KCNT1: variants seen among roughly 807,000 people sequenced by gnomAD.
KCNT1 encodes potassium channel subfamily T member 1.
A neutral mutation model predicts 147.8 loss-of-function variants in KCNT1; 78 were observed. The ratio of observed to expected loss-of-function variants is 0.53; its 90% confidence interval spans 0.44 to 0.64. KCNT1 has a LOEUF of 0.64. Ranked by LOEUF, KCNT1 falls within the 30% of genes least tolerant of loss-of-function variation. KCNT1 has a pLI of 0.00. For missense variants in KCNT1, 1,419 were observed against 1,750.3 expected, an observed-to-expected ratio of 0.81 and a Z score of 3.38; for synonymous variants, 867 against 748.8, an observed-to-expected ratio of 1.16 and a Z score of -2.58.
At chr9:135,757,808 C>T (rs1392311111) in intron 9 of KCNT1, among the ~76,000 whole-genome samples, 16 of 152,236 alleles carry the variant, frequency 1.1e-4, no homozygotes, top group Admixed American at 1.0e-3. Flanking sequence ...AGTGTCTCAA[C>T]ATGGTCCCTG....
intron 29 of KCNT1, among the ~76,000 whole-genome samples, chr9:135,788,459 T>C (rs1177216087): frequency 6.6e-6 from 1 of 152,256 alleles, no homozygotes; most frequent in South Asian, 2.1e-4. Flanking sequence ...CTGGTGCTGC[T>C]TCTCCTGCTT....
intron 11 of KCNT1, among the ~76,000 whole-genome samples, chr9:135,764,399 G>A (rs1344545946): frequency 6.6e-6 from 1 of 152,234 alleles, no homozygotes; most frequent in East Asian, 1.9e-4. Context: ...AGTCAAGGCT[G>A]CAGTGAGCTG....
intron 10 of KCNT1, 80 bp from the exon 11 acceptor site, chr9:135,759,599 G>A (rs1042086562): frequency 1.3e-5 from 19 of 1,461,840 alleles, no homozygotes; most frequent in East Asian, 7.0e-5. Flanking sequence ...TGAGGGTCCC[G>A]TGGGCAGGCA....
At position 135,742,692 on chromosome 9, in the gene KCNT1, C is replaced by T. The variant is rs998007970; in HGVS notation, c.255-7406C>T. On this transcript the variant is annotated intron_variant, in intron 2 of 30. Transcript: ENST00000371757. ...CTGTCTGTCTACTGCCTTCTCCATC[C>T]GTCCGTCTATCTGTCTGCTGCCTTC... 15 of 714,904 alleles carry T rather than the reference C, an allele frequency of 2.1e-5. No homozygotes were observed. The East Asian group carries it at 3.2e-4, about 15-fold the overall frequency. The allele number at this position is 714,904 out of a possible 1,614,324, so 44.3% of individuals were successfully genotyped here. A position where few individuals can be genotyped will look rare whatever the true frequency, so the allele number is the denominator to read the frequency against.
rs1289631078 is a variant in KCNT1, at chr9:135,784,906, G to T, written c.3156+17G>T. ...ACCTCGGAGGTTCTGGGGCAGCCTG[G>T]GGGCTGGGACTGTGGCAGCCCCTGT... On this transcript the variant is annotated intron_variant, in intron 27 of 30. Coordinates refer to ENST00000371757, the MANE Select transcript of KCNT1 (RefSeq NM_020822.3). The T allele has an allele frequency of 6.2e-7, 1 of 1,610,526 alleles. No homozygotes were observed. The highest frequency in any genetic ancestry group is 1.3e-5 in the African/African-American group (1 of 74,898).
intron 6 of KCNT1, 79 bp downstream of exon 6, chr9:135,755,248 A>G: frequency 3.9e-6 from 5 of 1,280,196 alleles, no homozygotes; most frequent in Non-Finnish European, 5.4e-6. Flanking sequence ...CTCAGTAAGT[A>G]GGGAACCCAG....
chr9:135,772,856 C>A lies in KCNT1; in HGVS notation c.2150C>A (p.Ala717Asp). The change falls in exon 19 of 31, where the codon GCC (alanine) becomes GAC (aspartate). Residue 717 changes from alanine (A) to aspartate (D), a missense_variant. Around this residue, in one of 5 missense-constraint regions of KCNT1, gnomAD observed 284 missense variants for 292.8 expected, o/e 0.97. Transcript: ENST00000371757. ...AGCATCGCGCCCGTCCTGGAACTGGCCGACAGCTCAGCCCTGCTGCCCTGC... is the reference window on the plus strand; with the variant it reads ...AGCATCGCGCCCGTCCTGGAACTGGACGACAGCTCAGCCCTGCTGCCCTGC... ...RPSIAPVLEL[A>D]DSSALLPCDL... 1 of 1,547,836 alleles carries A rather than the reference C, an allele frequency of 6.5e-7. No individual in the cohort carries two copies. The highest frequency in any genetic ancestry group is 8.7e-7 in the Non-Finnish European group (1 of 1,146,456).
At chr9:135,763,509 T>A (rs1832053061) in intron 11 of KCNT1, among the ~76,000 whole-genome samples, 1 of 151,912 alleles carries the variant, frequency 6.6e-6, no homozygotes, top group South Asian at 2.1e-4. Flanking sequence ...GAGGACAGAA[T>A]CGGAAGTGGA....
intron 20 of KCNT1, 22 bp from the exon 21 acceptor site, chr9:135,777,316 T>C: frequency 1.9e-6 from 3 of 1,605,922 alleles, no homozygotes; most frequent in Non-Finnish European, 2.6e-6. Flanking sequence ...ACTCCAGCCC[T>C]GACTCCAGCA....
rs1227798115 is a variant in KCNT1 at position 135,774,259 on chromosome 9, TGTGGTGTCTGTTGTGTGTGTG to T, written c.2244-1047_2244-1027del. The stretch of plus-strand genomic sequence containing the variant: ...GTGGTGTGTGTCCGTGTGTGGTGTG[TGTGGTGTCTGTTGTGTGTGTG>T]GTGTGTTGTGTGTGGTGTGTGTGTC... On this transcript the variant is annotated intron_variant, in intron 19 of 30. Coordinates refer to ENST00000371757, the MANE Select transcript of KCNT1 (RefSeq NM_020822.3). Among the ~76,000 whole-genome samples the T allele has an allele frequency of 5.6e-4, 81 of 145,920 alleles. 1 individual carries two copies. The South Asian group carries it at 0.01, about 19-fold the overall frequency.
chr9:135,702,194 C>A lies in KCNT1; in HGVS notation c.-65C>A. The A allele has an allele frequency of 8.2e-7, 1 of 1,215,964 alleles. No homozygotes were observed. The highest frequency in any genetic ancestry group is 1.2e-6 in the Non-Finnish European group (1 of 838,400). 75.3% of individuals were successfully genotyped at this position (1,215,964 alleles called of 1,614,324 possible). On this transcript the variant is annotated 5_prime_UTR_variant, in exon 1 of 31. Coordinates refer to ENST00000371757, the MANE Select transcript of KCNT1 (RefSeq NM_020822.3). ...AAAAAAAATGTTTTTCAGGGCAACG[C>A]GAGGGAAGAAGGTGGCGGCTCCCAC...
At chr9:135,788,736 C>A (rs896397589) in intron 29 of KCNT1, among the ~76,000 whole-genome samples, 1 of 152,184 alleles carries the variant, frequency 6.6e-6, no homozygotes, top group African/African-American at 2.4e-5. Flanking sequence ...CCAGCTGGGG[C>A]TCCACGAGGG....
intron 2 of KCNT1, among the ~76,000 whole-genome samples, chr9:135,735,465 G>A (rs1395569430): frequency 2.6e-5 from 4 of 152,194 alleles, no homozygotes; most frequent in South Asian, 2.1e-4. Flanking sequence ...CCCCATCCGC[G>A]TTGGCCACCC....
At chr9:135,770,150 A>AGAG in intron 16 of KCNT1, 95 bp downstream of exon 16, 1 of 1,384,844 alleles carries the variant, frequency 7.2e-7, no homozygotes, top group Non-Finnish European at 9.8e-7. Flanking sequence ...TGGGCTTCCC[A>AGAG]GAGGAGGGGC....
rs1057523539 is a variant in KCNT1, at chr9:135,753,919, C to G, written c.435-18C>G. ...GCTAGAGGGGCCAGGGCCGGGCCAG[C>G]GCTGTGTCTCTCCACAGCTGGGGCT... is the stretch of plus-strand genomic sequence containing the variant. On this transcript the variant is annotated intron_variant, in intron 4 of 30. Coordinates refer to ENST00000371757, the MANE Select transcript of KCNT1 (RefSeq NM_020822.3). 1 of 1,613,756 alleles carries G rather than the reference C, an allele frequency of 6.2e-7. No individual in the cohort carries two copies.
intron 3 of KCNT1, among the ~76,000 whole-genome samples, chr9:135,750,731 A>T (rs1831107762): frequency 6.6e-6 from 1 of 152,106 alleles, no homozygotes; most frequent in Admixed American, 6.5e-5. Flanking sequence ...GGCACCTGTA[A>T]GGTGGGGCCA....
At position 135,752,036 on chromosome 9, in the gene KCNT1, T is replaced by G. The variant is rs1466381716; in HGVS notation, c.434+995T>G. ...TCCCGAGCTCACATTGGGCCCTGAC[T>G]TTTTCATACCCGTAGATTTCCTCAA... On this transcript the variant is annotated intron_variant, in intron 4 of 30. Coordinates refer to ENST00000371757, the MANE Select transcript of KCNT1 (RefSeq NM_020822.3). This position sits in a 1 kb window ranked among gnomAD's most constrained non-coding sequence, Gnocchi z 5.1. 4.6e-6 allele frequency: 1 copy of G among 215,600 alleles called. No individual in the cohort carries two copies. The highest frequency in any genetic ancestry group is 9.4e-6 in the Non-Finnish European group (1 of 106,500). 13.4% of individuals were successfully genotyped at this position (215,600 alleles called of 1,614,324 possible). A position where few individuals can be genotyped will look rare whatever the true frequency, so the allele number is the denominator to read the frequency against.
intron 2 of KCNT1, among the ~76,000 whole-genome samples, chr9:135,748,440 G>A (rs1395275248): frequency 6.6e-6 from 1 of 152,208 alleles, no homozygotes; most frequent in East Asian, 1.9e-4. Context: ...AGATGTTGGG[G>A]TCACCAGCCC....
intron 1 of KCNT1, among the ~76,000 whole-genome samples, chr9:135,712,573 G>T (rs1485754399): frequency 1.3e-5 from 2 of 152,014 alleles, no homozygotes; most frequent in African/African-American, 4.8e-5. Context: ...GCCCAAAAAA[G>T]CTGGCCGATG....
Sources: allele counts gnomAD v4.1 joint callset (sites outside exome capture counted in the v4.1 genomes callset), GRCh38; gene constraint gnomAD v4.1.1; regional missense constraint gnomAD v4.1.1; non-coding constraint Gnocchi (gnomAD v3.1); transcripts MANE v1.5; gene names NCBI Gene and HGNC (gene_info 2026-07-23, HGNC 2026-07-21).